Variants in GYS2 observed in about 807,000 individuals in gnomAD.
GYS2 encodes glycogen synthase 2, also known as glycogen [starch] synthase, liver.
GYS2 carries 80 observed loss-of-function variants against 85.6 expected under a neutral mutation model. The observed-to-expected ratio is 0.93, with a 90% CI of 0.78 to 1.13. The LOEUF (loss-of-function observed/expected upper bound fraction) is 1.13. Ranked by LOEUF, GYS2 falls within the 50% of genes most tolerant of loss-of-function variation. The pLI, the probability that GYS2 is intolerant of heterozygous loss-of-function variation, is 0.00. For missense variants in GYS2, 881 were observed against 854.9 expected, an observed-to-expected ratio of 1.03 and a Z score of -0.38; for synonymous variants, 328 against 300.7, an observed-to-expected ratio of 1.09 and a Z score of -0.94.
chr12:21,542,265 G>T (rs1458506273), intron 13 of GYS2, among the ~76,000 whole-genome samples: 4 of 152,102 alleles, frequency 2.6e-5, no homozygotes, highest in Admixed American at 2.6e-4. Context: ...GGCCATGCTG[G>T]TCTCGAACCC....
At position 21,557,676 on chromosome 12, in the gene GYS2, G is replaced by A. The variant is rs575060959; in HGVS notation, c.1422+524C>T. On this transcript the variant is annotated intron_variant, in intron 11 of 15. Transcript: ENST00000261195. ...GCACTTTGGGAGGCCGAGGCAGGTGGATCACGAGGTCAGGAGATCGAGACC... is the reference window on the plus strand; with the variant it reads ...GCACTTTGGGAGGCCGAGGCAGGTGAATCACGAGGTCAGGAGATCGAGACC... Among the ~76,000 whole-genome samples the A allele has an allele frequency of 3.9e-5, 6 of 152,222 alleles. No individual in the cohort carries two copies. The East Asian group carries it at 7.8e-4, about 20-fold the overall frequency.
rs113287204 is a variant in GYS2 at position 21,575,852 on chromosome 12, A to G, written c.495+14T>C. 2.1e-5 allele frequency: 34 copies of G among 1,592,166 alleles called. No homozygotes were observed. Among genetic ancestry groups the G allele is most frequent in the African/African-American group, 1.2e-4 (9 of 74,628 alleles). On this transcript the variant is annotated intron_variant, in intron 3 of 15. Coordinates refer to ENST00000261195, the MANE Select transcript of GYS2 (RefSeq NM_021957.4). The stretch of plus-strand genomic sequence containing the variant: ...TGCTGCTCCTCCGTTGTATCACTAT[A>G]TAATAAACCATACCTCTTTTAAGAA...
chr12:21,554,335 C>T (rs1944151324), intron 11 of GYS2, among the ~76,000 whole-genome samples: 1 of 152,108 alleles, frequency 6.6e-6, no homozygotes, highest in Non-Finnish European at 1.5e-5. Flanking sequence ...CATCATCCTT[C>T]CTTCCTGCTC....
intron 1 of GYS2, among the ~76,000 whole-genome samples, chr12:21,600,436 T>A (rs966230511): frequency 3.3e-5 from 5 of 152,030 alleles, no homozygotes; most frequent in Admixed American, 6.6e-5. Context: ...CCTTGATGGA[T>A]CTTTAAAAGT....
At position 21,604,824 on chromosome 12, in the gene GYS2, A is replaced by ACGGTATCTGCCCTGT; in HGVS notation, c.-247_-233dup. 4 of 1,293,164 alleles carry ACGGTATCTGCCCTGT rather than the reference A, an allele frequency of 3.1e-6. No homozygotes were observed. Among genetic ancestry groups the ACGGTATCTGCCCTGT allele is most frequent in the Non-Finnish European group, 4.0e-6 (4 of 1,009,082 alleles). 80.1% of individuals were successfully genotyped at this position (1,293,164 alleles called of 1,614,324 possible). A position where few individuals can be genotyped will look rare whatever the true frequency, so the allele number is the denominator to read the frequency against. The stretch of plus-strand genomic sequence containing the variant: ...GTCTTTCTGGGCAGGTATTGTGAGG[A>ACGGTATCTGCCCTGT]CGGTATCTGCCCTGTCAGTATCTAC... On this transcript the variant is annotated 5_prime_UTR_variant, in exon 1 of 16. Coordinates refer to ENST00000261195, the MANE Select transcript of GYS2 (RefSeq NM_021957.4).
chr12:21,557,098 A>G (rs1246348343), intron 11 of GYS2, among the ~76,000 whole-genome samples: 2 of 152,214 alleles, frequency 1.3e-5, no homozygotes, highest in Non-Finnish European at 2.9e-5. Context: ...CATGGGGGGG[A>G]CACTGAAGGA....
At chr12:21,583,500 G>A (rs1944535344) in intron 1 of GYS2, among the ~76,000 whole-genome samples, 2 of 152,222 alleles carry the variant, frequency 1.3e-5, no homozygotes, top group African/African-American at 4.8e-5. Flanking sequence ...GGTCCAGGCT[G>A]CTGTGCAAGC....
chr12:21,574,029 A>C, intron 4 of GYS2, 115 bp downstream of exon 4: 1 of 821,716 alleles, frequency 1.2e-6, no homozygotes, highest in Non-Finnish European at 2.1e-6. Context: ...TGATTAGCTA[A>C]AAGGGCATTT....
intron 11 of GYS2, 97 bp from the exon 12 acceptor site, chr12:21,546,567 A>G: frequency 1.4e-6 from 1 of 720,624 alleles, no homozygotes; most frequent in South Asian, 1.7e-5. Context: ...CTACTATAGA[A>G]TCCTTATGTT....
At chr12:21,538,481 C>A (rs891827434) in intron 15 of GYS2, among the ~76,000 whole-genome samples, 1 of 152,148 alleles carries the variant, frequency 6.6e-6, no homozygotes, top group African/African-American at 2.4e-5. Flanking sequence ...ATATTCCTTG[C>A]AGGGAGCATG....
chr12:21,599,539 G>T (rs1944732433), intron 1 of GYS2, among the ~76,000 whole-genome samples: 1 of 152,158 alleles, frequency 6.6e-6, no homozygotes, highest in Non-Finnish European at 1.5e-5. Context: ...GAATGAAAAG[G>T]AAGTGAGTAG....
At chr12:21,550,343 ACACACACACC>A (rs1944092262) in intron 11 of GYS2, among the ~76,000 whole-genome samples, 1 of 123,636 alleles carries the variant, frequency 8.1e-6, no homozygotes, top group Non-Finnish European at 1.7e-5. Context: ...ACACACACAC[ACACACACACC>A]CCTGGTTTTT....
At chr12:21,597,893 C>T (rs1214121699) in intron 1 of GYS2, among the ~76,000 whole-genome samples, 1 of 152,046 alleles carries the variant, frequency 6.6e-6, no homozygotes, top group Admixed American at 6.6e-5. Context: ...TCATTTGCAG[C>T]AACATGGATG....
rs557613425 is a variant in GYS2 at position 21,569,219 on chromosome 12, T to G, written c.679-210A>C. Among the ~76,000 whole-genome samples, 3 of 152,340 alleles carry G rather than the reference T, an allele frequency of 2.0e-5. 1 individual carries two copies. The South Asian group carries it at 6.2e-4, about 32-fold the overall frequency. On this transcript the variant is annotated intron_variant, in intron 4 of 15. Coordinates refer to ENST00000261195, the MANE Select transcript of GYS2 (RefSeq NM_021957.4). ...AGACATTGTTTACTCCATTTCTCCC[T>G]CTAAACTGCAGTTTAACTCCCTAAG...
At chr12:21,582,910 G>A (rs1944528819) in intron 1 of GYS2, among the ~76,000 whole-genome samples, 1 of 152,270 alleles carries the variant, frequency 6.6e-6, no homozygotes, top group Admixed American at 6.5e-5. Flanking sequence ...TGAGAGGCAA[G>A]GAATTTAGCT....
chr12:21,562,987 C>A lies in GYS2; in HGVS notation c.993G>T (p.Arg331Ser), dbSNP rs201958662. The A allele has an allele frequency of 3.1e-6, 5 of 1,613,122 alleles. No homozygotes were observed. The East Asian group carries it at 8.9e-5, about 29-fold the overall frequency. The change falls in exon 7 of 16, where the codon AGG becomes AGT. Residue 331 changes from arginine (R) to serine (S), a missense_variant. Arg to Ser is a moderately radical substitution (Grantham distance 110). Transcript: ENST00000261195. ...CAGCTCCTTTGTTTGAAAACTCATA[C>A]CTCCCAGCAATGAAAAGGAACAAAG... The part of the protein sequence containing the change: ...EKTLFLFIAG[R>S]YEFSNKGADI...
chr12:21,542,192 C>T (rs534640501), intron 13 of GYS2, among the ~76,000 whole-genome samples: 4 of 152,022 alleles, frequency 2.6e-5, no homozygotes, highest in Admixed American at 6.5e-5. Flanking sequence ...GAATTACAGG[C>T]GTGCACCACC....
In GYS2 at chr12:21,556,276, C is replaced by G. The variant is rs572639057; in HGVS notation, c.1422+1924G>C. ...CTCTACCTCCAGGGCCCAAGCAATC[C>G]TCCCACTTATGCCTCCCTAGTAGCT... On this transcript the variant is annotated intron_variant, in intron 11 of 15. Transcript: ENST00000261195. 2.4e-3 allele frequency among the ~76,000 whole-genome samples: 370 copies of G among 152,224 alleles called. 4 individuals carry two copies. The highest frequency in any genetic ancestry group is 8.6e-3 in the African/African-American group (356 of 41,542).
At chr12:21,557,093 G>C (rs959686304) in intron 11 of GYS2, among the ~76,000 whole-genome samples, 1 of 152,188 alleles carries the variant, frequency 6.6e-6, no homozygotes, top group Non-Finnish European at 1.5e-5. Flanking sequence ...GCCAGCATGG[G>C]GGGGACACTG....
Sources: allele counts gnomAD v4.1 joint callset (sites outside exome capture counted in the v4.1 genomes callset), GRCh38; gene constraint gnomAD v4.1.1; transcripts MANE v1.5; gene names NCBI Gene and HGNC (gene_info 2026-07-23, HGNC 2026-07-21).